The following USP2 variants were observed in gnomAD, a reference collection of about 807,000 sequenced individuals.
USP2 encodes the protein ubiquitin carboxyl-terminal hydrolase 2.
USP2 carries 33 observed loss-of-function variants against 72.0 expected under a neutral mutation model. The ratio of observed to expected loss-of-function variants is 0.46; its 90% CI spans 0.35 to 0.61. The LOEUF (loss-of-function observed/expected upper bound fraction) is 0.61, where lower values mean the gene tolerates loss of function less well. USP2 is among the 20% of genes least tolerant of loss of function. USP2 has a pLI of 0.01. For synonymous variants in USP2, 296 were observed against 312.5 expected, an observed-to-expected ratio of 0.95 and a Z score of 0.56; for missense variants, 691 against 797.8, an observed-to-expected ratio of 0.87 and a Z score of 1.61.
rs148292528 is a variant in USP2, at chr11:119,373,192, G to A, written c.289C>T (p.Arg97Trp). The A allele has an allele frequency of 1.3e-5, 21 of 1,613,890 alleles. No homozygotes were observed. The highest frequency in any genetic ancestry group is 1.6e-4 in the Middle Eastern group (1 of 6,082). ...GGGKRAESQT[R>W]GTERPLGSGL... is the part of the protein sequence containing the mutation. Reference sequence around the variant, plus strand: ...CTGCCTAAAGGCCGCTCAGTACCCCGGGTCTGGCTCTCTGCCCGCTTACCA... The same window carrying A: ...CTGCCTAAAGGCCGCTCAGTACCCCAGGTCTGGCTCTCTGCCCGCTTACCA... Residue 97 changes from arginine (R) to tryptophan (W), a missense_variant, in exon 2 of 13, where the codon CGG (arginine) becomes TGG (tryptophan). Coordinates refer to ENST00000260187, the MANE Select transcript of USP2 (RefSeq NM_004205.5).
chr11:119,357,675 G>T (rs759216934), intron 10 of USP2, 82 bp downstream of exon 10: 2 of 1,613,166 alleles, frequency 1.2e-6, no homozygotes, highest in East Asian at 2.2e-5. Flanking sequence ...CGTTTCTTCC[G>T]ACTGTTCCCC....
At chr11:119,356,962 C>T in intron 12 of USP2, 40 bp from the exon 13 acceptor site, 1 of 1,545,316 alleles carries the variant, frequency 6.5e-7, no homozygotes, top group South Asian at 1.2e-5. Context: ...GCGGGCAGGA[C>T]CGGGAGACCC....
intron 7 of USP2, 113 bp from the exon 8 acceptor site, chr11:119,358,365 G>A (rs1950708041): frequency 2.1e-6 from 2 of 959,632 alleles, no homozygotes; most frequent in South Asian, 3.0e-5. Context: ...CCCCCAGGCT[G>A]AAGTGCAGTG....
intron 7 of USP2, 129 bp from the exon 8 acceptor site, chr11:119,358,381 A>G (rs1451710073): frequency 3.7e-6 from 3 of 820,260 alleles, no homozygotes; most frequent in Non-Finnish European, 5.8e-6. Flanking sequence ...CAGTGGTGCA[A>G]TCTCAGCTCA....
chr11:119,357,446 C>G, intron 11 of USP2, 37 bp downstream of exon 11: 1 of 1,613,646 alleles, frequency 6.2e-7, no homozygotes. Context: ...TGCACACCTG[C>G]GTCTTCATTC....
intron 3 of USP2, 135 bp downstream of exon 3, chr11:119,360,049 A>G: frequency 8.9e-7 from 1 of 1,117,884 alleles, no homozygotes; most frequent in Non-Finnish European, 1.3e-6. Context: ...GTGAAACACC[A>G]GCCAGGAAGG....
rs1950716144 is a variant in USP2 at position 119,358,853 on chromosome 11, AGAC to A, written c.1173-19_1173-17del. 1 of 1,613,986 alleles carries A rather than the reference AGAC, an allele frequency of 6.2e-7. No homozygotes were observed. The highest frequency in any genetic ancestry group is 8.5e-7 in the Non-Finnish European group (1 of 1,179,982). ...CTCGTCATCACTGGGAACCAGAGAG[AGAC>A]AACAATTGGGTCAAAGCTCAAAACT... On this transcript the variant is annotated splice_polypyrimidine_tract_variant and intron_variant, in intron 6 of 12. Transcript: ENST00000260187.
At chr11:119,378,170 G>T (rs2135413112) in intron 1 of USP2, among the ~76,000 whole-genome samples, 1 of 152,172 alleles carries the variant, frequency 6.6e-6, no homozygotes, top group African/African-American at 2.4e-5. Context: ...GGACAAGGTG[G>T]GTGAGAGGGG....
At chr11:119,360,827 C>T (rs1950751720) in intron 2 of USP2, among the ~76,000 whole-genome samples, 1 of 152,140 alleles carries the variant, frequency 6.6e-6, no homozygotes, top group Admixed American at 6.5e-5. Context: ...ATGTTATTCT[C>T]TATTCTCTGC....
chr11:119,380,158 G>A (rs983424826), intron 1 of USP2, among the ~76,000 whole-genome samples: 6 of 151,730 alleles, frequency 4.0e-5, no homozygotes, highest in African/African-American at 4.8e-5. Flanking sequence ...CTTGTGATCC[G>A]CCCGCCTTGG....
At position 119,372,713 on chromosome 11, in the gene USP2, G is replaced by A. The variant is rs1194387295; in HGVS notation, c.768C>T (p.Asp256=). The change falls in exon 2 of 13, where the codon GAC becomes GAT. Residue 256 remains aspartate (D), a synonymous_variant. Transcript: ENST00000260187. ...TCCCCAAGGGTAAACTCACCATGCC[G>A]TCTCTTCCCGGGGAGCTGGAGCGGC... ...GPSRSSSPGR[D]GMNSKSAQGL... 13 of 1,518,936 alleles carry A rather than the reference G, an allele frequency of 8.6e-6. No individual in the cohort carries two copies. Among genetic ancestry groups the A allele is most frequent in the Middle Eastern group, 1.8e-4 (1 of 5,642 alleles). The allele number at this position is 1,518,936 out of a possible 1,614,324, so 94.1% of individuals were successfully genotyped here. A position where few individuals can be genotyped will look rare whatever the true frequency, so the allele number is the denominator to read the frequency against.
intron 2 of USP2, among the ~76,000 whole-genome samples, chr11:119,369,361 A>G (rs677008): frequency 0.8 from 121,557 of 151,852 alleles, 48,968 homozygotes; most frequent in East Asian, 0.92. Context: ...CGTGTTGCCT[A>G]TTACTGTTAA....
chr11:119,367,610 A>G (rs1321927138), intron 2 of USP2, among the ~76,000 whole-genome samples: 1 of 151,884 alleles, frequency 6.6e-6, no homozygotes, highest in African/African-American at 2.4e-5. Flanking sequence ...CATCCTCCCC[A>G]CTCTCTGTAG....
chr11:119,378,407 C>T (rs1951026567), intron 1 of USP2, among the ~76,000 whole-genome samples: 1 of 152,148 alleles, frequency 6.6e-6, no homozygotes. Flanking sequence ...GGGCTGGCCT[C>T]CTCCCCTCCA....
intron 12 of USP2, 68 bp downstream of exon 12, chr11:119,357,119 G>T: frequency 1.5e-6 from 2 of 1,349,866 alleles, no homozygotes; most frequent in Non-Finnish European, 2.0e-6. Flanking sequence ...GGTTTGGGGG[G>T]AGGGTGGAGG....
rs980376560 is a variant in USP2 at position 119,357,009 on chromosome 11, G to C, written c.1731-87C>G. Reference sequence around the variant, plus strand: ...CTTTCTGTGCCCCCGAGGCCGGCCGGCCTGCCTTTCAGGGAGCCTCCCCAC... The same window carrying C: ...CTTTCTGTGCCCCCGAGGCCGGCCGCCCTGCCTTTCAGGGAGCCTCCCCAC... On this transcript the variant is annotated intron_variant, in intron 12 of 12. Transcript: ENST00000260187. 88 of 1,501,312 alleles carry C rather than the reference G, an allele frequency of 5.9e-5. 2 individuals carry two copies. In the Admixed American group the frequency reaches 1.3e-3, roughly 22 times the overall value. The allele number at this position is 1,501,312 out of a possible 1,614,324, so 93.0% of individuals were successfully genotyped here.
At chr11:119,375,419 G>T (rs925657752) in intron 1 of USP2, among the ~76,000 whole-genome samples, 4 of 152,170 alleles carry the variant, frequency 2.6e-5, no homozygotes, top group Non-Finnish European at 4.4e-5. Context: ...CTAGCCTTTT[G>T]CCACCTGGCC....
intron 1 of USP2, among the ~76,000 whole-genome samples, chr11:119,377,604 C>A (rs1951017665): frequency 6.6e-6 from 1 of 152,200 alleles, no homozygotes; most frequent in Admixed American, 6.5e-5. Flanking sequence ...AGCATCTACC[C>A]CAGCTCGGGG....
intron 1 of USP2, among the ~76,000 whole-genome samples, chr11:119,378,778 A>G (rs2115645): frequency 0.23 from 34,773 of 152,102 alleles, 4,158 homozygotes; most frequent in Non-Finnish European, 0.26. Flanking sequence ...ACCTCTGCCC[A>G]GGTACTCTCC....
Sources: gnomAD v4.1 joint callset for allele counts (sites outside exome capture counted in the v4.1 genomes callset) on GRCh38, gnomAD v4.1.1 for gene constraint, MANE v1.5 for transcripts, NCBI Gene and HGNC (gene_info 2026-07-23, HGNC 2026-07-21) for gene names.